Variants in NIT2 observed in about 807,000 individuals in gnomAD.
NIT2 encodes the protein nitrilase family member 2.
NIT2 carries 46 observed loss-of-function variants against 42.7 expected under a neutral mutation model. That is an observed-to-expected ratio of 1.08 (90% CI 0.85 to 1.38). The LOEUF is 1.38. NIT2 is among the 40% of genes most tolerant of loss of function. The pLI is 0.00. For synonymous variants in NIT2, 123 were observed against 121.9 expected, an observed-to-expected ratio of 1.01 and a Z score of -0.06; for missense variants, 309 against 342.5, an observed-to-expected ratio of 0.90 and a Z score of 0.77.
chr3:100,345,670 T>A lies in NIT2; in HGVS notation c.422T>A (p.Phe141Tyr). 6.2e-7 allele frequency: 1 copy of A among 1,603,462 alleles called. No individual in the cohort carries two copies. The highest frequency in any genetic ancestry group is 8.5e-7 in the Non-Finnish European group (1 of 1,170,622). The change falls in exon 5 of 10, where the codon TTT (phenylalanine) becomes TAT (tyrosine). Residue 141 changes from phenylalanine to tyrosine, a missense_variant. Physicochemically the swap from Phe to Tyr is conservative, Grantham distance 22. Coordinates refer to ENST00000394140, the MANE Select transcript of NIT2 (RefSeq NM_020202.5). ...AGTCCGGGTGATAGTTTCTCCACAT[T>A]TGATACTCGTATGTACCAGATAAGT... ...TLSPGDSFST[F>Y]DTPYCRVGLG... is the part of the protein sequence containing the mutation.
intron 4 of NIT2, among the ~76,000 whole-genome samples, chr3:100,343,062 T>C (rs113285781): frequency 0.019 from 2,813 of 151,986 alleles, 38 homozygotes; most frequent in Non-Finnish European, 0.031. Context: ...TTTTTTTTTT[T>C]CTTCCCTGAT....
intron 7 of NIT2, among the ~76,000 whole-genome samples, chr3:100,351,736 CA>C (rs1706275932): frequency 6.6e-6 from 1 of 152,178 alleles, no homozygotes; most frequent in African/African-American, 2.4e-5. Flanking sequence ...GCAATGACAA[CA>C]AAAGCCAAAA....
At chr3:100,346,997 C>T (rs1442901513) in intron 6 of NIT2, among the ~76,000 whole-genome samples, 1 of 152,146 alleles carries the variant, frequency 6.6e-6, no homozygotes, top group Non-Finnish European at 1.5e-5. Flanking sequence ...GGCAACTCCT[C>T]GGCCCCTAAT....
In NIT2 at chr3:100,339,944, C is replaced by G; in HGVS notation, c.247+9C>G. 1 of 1,609,946 alleles carries G rather than the reference C, an allele frequency of 6.2e-7. No homozygotes were observed. The highest frequency in any genetic ancestry group is 8.5e-7 in the Non-Finnish European group (1 of 1,178,024). On this transcript the variant is annotated intron_variant, in intron 3 of 9. Transcript: ENST00000394140. ...CATATATCTCATTGGAGGTAACTTC[C>G]TACCCACAAGGTATAATGACCTAAA...
chr3:100,351,448 C>T lies in NIT2; in HGVS notation c.585-956C>T, dbSNP rs960780440. On this transcript the variant is annotated intron_variant, in intron 7 of 9. Transcript: ENST00000394140. ...AACAGAACAGAGCCCTCAGAAATAACGCCGCATATCTACAACTATCTGATC... is the reference window on the plus strand; with the variant it reads ...AACAGAACAGAGCCCTCAGAAATAATGCCGCATATCTACAACTATCTGATC... Among the ~76,000 whole-genome samples, 19 of 152,032 alleles carry T rather than the reference C, an allele frequency of 1.2e-4. 1 individual carries two copies. The highest frequency in any genetic ancestry group is 1.2e-3 in the South Asian group (6 of 4,810).
chr3:100,352,496 A>G lies in NIT2; in HGVS notation c.677A>G (p.Asn226Ser). The G allele has an allele frequency of 1.2e-6, 2 of 1,612,142 alleles. No homozygotes were observed. Among genetic ancestry groups the G allele is most frequent in the Non-Finnish European group, 1.7e-6 (2 of 1,178,620 alleles). The change falls in exon 8 of 10, where the codon AAC becomes AGC. Residue 226 changes from asparagine to serine, a missense_variant. Asn to Ser is a conservative substitution (Grantham distance 46). Coordinates refer to ENST00000394140, the MANE Select transcript of NIT2 (RefSeq NM_020202.5). ...YVAWGHSTVV[N>S]PWGEVLAKAG... ...GCCTGGGGACACAGCACCGTGGTGA[A>G]CCCTTGGTGAGTAAGGCTAAGTGAG...
At chr3:100,343,322 A>T (rs1249792559) in intron 4 of NIT2, among the ~76,000 whole-genome samples, 1 of 151,780 alleles carries the variant, frequency 6.6e-6, no homozygotes, top group Non-Finnish European at 1.5e-5. Context: ...ATGGAGCTCC[A>T]GTATATGTAT....
intron 4 of NIT2, among the ~76,000 whole-genome samples, chr3:100,343,734 C>A (rs1175704675): frequency 2.0e-5 from 3 of 152,186 alleles, no homozygotes; most frequent in Non-Finnish European, 2.9e-5. Flanking sequence ...TAAATAAACT[C>A]ATATCCAAGC....
chr3:100,351,301 C>A (rs1343753616), intron 7 of NIT2, among the ~76,000 whole-genome samples: 1 of 152,186 alleles, frequency 6.6e-6, no homozygotes, highest in African/African-American at 2.4e-5. Flanking sequence ...ATCGCCAAGT[C>A]AATCCTAAGC....
At chr3:100,347,394 C>T (rs1171274678) in intron 6 of NIT2, among the ~76,000 whole-genome samples, 1 of 152,156 alleles carries the variant, frequency 6.6e-6, no homozygotes, top group African/African-American at 2.4e-5. Context: ...CCGCACCCAG[C>T]CAGAGCTGAG....
In NIT2 at chr3:100,358,302, G is replaced by A. The variant is rs1288035814; in HGVS notation, c.*3034G>A. On this transcript the variant is annotated 3_prime_UTR_variant, in exon 10 of 10. Coordinates refer to ENST00000394140, the MANE Select transcript of NIT2 (RefSeq NM_020202.5). ...TGATATCCGAATAAAATGAACACTA[G>A]ATTCCCACTTGGAGTGGAAGAACAT... 6.6e-6 allele frequency: 1 copy of A among 152,208 alleles called. No homozygotes were observed. The highest frequency in any genetic ancestry group is 1.5e-5 in the Non-Finnish European group (1 of 68,038). 9.4% of individuals were successfully genotyped at this position (152,208 alleles called of 1,614,324 possible). A position where few individuals can be genotyped will look rare whatever the true frequency, so the allele number is the denominator to read the frequency against.
intron 6 of NIT2, 61 bp from the exon 7 acceptor site, chr3:100,348,742 G>T: frequency 1.5e-6 from 2 of 1,313,338 alleles, no homozygotes; most frequent in South Asian, 2.4e-5. Flanking sequence ...GAACAGTGGG[G>T]AGGACTGGTT....
chr3:100,336,297 A>T (rs1706070565), intron 1 of NIT2, among the ~76,000 whole-genome samples: 1 of 152,154 alleles, frequency 6.6e-6, no homozygotes, highest in Admixed American at 6.5e-5. Flanking sequence ...CAGAGGTGGG[A>T]TGGGAAGTTC....
chr3:100,355,422 T>C lies in NIT2; in HGVS notation c.*154T>C, dbSNP rs1192038511. The stretch of plus-strand genomic sequence containing the variant: ...ATGAGAAAGCCTCATTATGCTGACA[T>C]TTTCCACGCCACATTAAATAGTTAA... On this transcript the variant is annotated 3_prime_UTR_variant, in exon 10 of 10. Coordinates refer to ENST00000394140, the MANE Select transcript of NIT2 (RefSeq NM_020202.5). 3 of 576,692 alleles carry C rather than the reference T, an allele frequency of 5.2e-6. No homozygotes were observed. The highest frequency in any genetic ancestry group is 3.0e-5 in the East Asian group (1 of 33,796). 35.7% of individuals were successfully genotyped at this position (576,692 alleles called of 1,614,324 possible).
chr3:100,347,342 C>T (rs1209619647), intron 6 of NIT2, among the ~76,000 whole-genome samples: 8 of 152,134 alleles, frequency 5.3e-5, no homozygotes, highest in East Asian at 1.9e-4. Context: ...GTGATCTACC[C>T]GCCTCGGCCT....
At chr3:100,337,496 C>T (rs758238686) in intron 1 of NIT2, among the ~76,000 whole-genome samples, 4 of 152,092 alleles carry the variant, frequency 2.6e-5, no homozygotes, top group Admixed American at 6.5e-5. Flanking sequence ...CTCTGTCGTC[C>T]AGGCTGGAGT....
In NIT2 at chr3:100,356,190, C is replaced by T. The variant is rs1172439220; in HGVS notation, c.*922C>T. On this transcript the variant is annotated 3_prime_UTR_variant, in exon 10 of 10. Transcript: ENST00000394140. ...GAGTTCAGCCAGAGACCCTATCTCA[C>T]TATATATATGTATCTCAAAGACTTC... The T allele has an allele frequency of 6.6e-6, 1 of 152,172 alleles. No individual in the cohort carries two copies. The highest frequency in any genetic ancestry group is 1.9e-4 in the East Asian group (1 of 5,198). The allele number at this position is 152,172 out of a possible 1,614,324, so 9.4% of individuals were successfully genotyped here. A position where few individuals can be genotyped will look rare whatever the true frequency, so the allele number is the denominator to read the frequency against.
rs145768689 is a variant in NIT2 at position 100,335,296 on chromosome 3, CCT to C, written c.7+499_7+500del. ...TGTGCAGCTTTCCCCCTGCAAGTCC[CCT>C]GTTTCTTTATTTGTAAAATGATGTT... On this transcript the variant is annotated intron_variant, in intron 1 of 9. Transcript: ENST00000394140. 4.7e-3 allele frequency among the ~76,000 whole-genome samples: 715 copies of C among 152,304 alleles called. 4 individuals carry two copies. Among genetic ancestry groups the C allele is most frequent in the African/African-American group, 0.014 (574 of 41,564 alleles).
intron 3 of NIT2, among the ~76,000 whole-genome samples, chr3:100,340,819 C>T (rs1015373011): frequency 2.6e-5 from 4 of 151,972 alleles, no homozygotes; most frequent in South Asian, 2.1e-4. Flanking sequence ...ATCCCATCTA[C>T]ACTCTGGAGT....
Sources: gnomAD v4.1 joint callset for allele counts (sites outside exome capture counted in the v4.1 genomes callset) on GRCh38, gnomAD v4.1.1 for gene constraint, MANE v1.5 for transcripts, NCBI Gene and HGNC (gene_info 2026-07-23, HGNC 2026-07-21) for gene names.